Variants in CASS4 observed in about 807,000 individuals in gnomAD.
CASS4 encodes the protein cas scaffolding protein family member 4.
Under a neutral mutation model 54.2 loss-of-function variants are expected in CASS4, and 22 were observed. The observed-to-expected ratio is 0.41, with a 90% CI of 0.29 to 0.58. The LOEUF is 0.58. Ranked by LOEUF, CASS4 falls within the 20% of genes least tolerant of loss-of-function variation. The probability of loss-of-function intolerance (pLI) is 0.36; values close to 1 mark genes in which losing one functional copy is unlikely to be tolerated. For missense variants in CASS4, 854 were observed against 986.7 expected (o/e 0.87, Z 1.80); for synonymous variants, 409 against 391.5 (o/e 1.04, Z -0.53).
intron 2 of CASS4, among the ~76,000 whole-genome samples, chr20:56,438,257 T>C (rs1320567871): frequency 6.7e-6 from 1 of 150,246 alleles, no homozygotes; most frequent in Non-Finnish European, 1.5e-5. Context: ...GCCACTGCAC[T>C]CCAGCCTCGG....
intron 1 of CASS4, among the ~76,000 whole-genome samples, chr20:56,436,729 A>T (rs2146280647): frequency 6.6e-6 from 1 of 152,126 alleles, no homozygotes; most frequent in East Asian, 1.9e-4. Flanking sequence ...CTCTACAAAA[A>T]TACAAAATTT....
At chr20:56,448,729 T>G (rs946241026) in intron 3 of CASS4, among the ~76,000 whole-genome samples, 6 of 152,200 alleles carry the variant, frequency 3.9e-5, no homozygotes, top group African/African-American at 1.4e-4. Flanking sequence ...TTGTAACCTG[T>G]TTTTTGTATC....
chr20:56,458,039 TA>T (rs1981383630), intron 5 of CASS4, among the ~76,000 whole-genome samples: 1 of 149,616 alleles, frequency 6.7e-6, no homozygotes, highest in African/African-American at 2.4e-5. Flanking sequence ...AAAAAAAAGT[TA>T]TAAATATAGT....
rs1450259824 is a variant in CASS4, at chr20:56,452,699, C to T, written c.1523C>T (p.Thr508Ile). Residue 508 changes from threonine (T) to isoleucine (I), a missense_variant, in exon 5 of 6, where the codon ACT (threonine) becomes ATT (isoleucine). Transcript: ENST00000679887. ...RGVHGTACNL[T>I]DSNLQNRIRD... is the part of the protein sequence containing the mutation. ...GTCCATGGGACTGCCTGTAACCTCA[C>T]TGACAGTAACCTTCAGAACAGAATT... 1 of 1,614,204 alleles carries T rather than the reference C, an allele frequency of 6.2e-7. No individual in the cohort carries two copies. Among genetic ancestry groups the T allele is most frequent in the South Asian group, 1.1e-5 (1 of 91,084 alleles).
intron 2 of CASS4, among the ~76,000 whole-genome samples, chr20:56,439,200 G>C (rs898332548): frequency 1.3e-4 from 19 of 151,968 alleles, no homozygotes; most frequent in African/African-American, 4.3e-4. Context: ...ACTGGGTCTC[G>C]CTCTGTCTCC....
In CASS4 at chr20:56,452,613, C is replaced by T; in HGVS notation, c.1437C>T (p.Ile479=). The part of the protein sequence containing the change: ...RDYLEANIDA[I]HRSTDHIEES... ...ATCTGGAGGCCAACATTGATGCAAT[C>T]CACAGGTCCACTGATCACATAGAAG... Residue 479 remains isoleucine (I), a synonymous_variant, in exon 5 of 6, where the codon ATC becomes ATT. Coordinates refer to ENST00000679887, the MANE Select transcript of CASS4 (RefSeq NM_020356.4). 1 of 1,614,164 alleles carries T rather than the reference C, an allele frequency of 6.2e-7. No individual in the cohort carries two copies. Among genetic ancestry groups the T allele is most frequent in the Non-Finnish European group, 8.5e-7 (1 of 1,180,030 alleles).
At chr20:56,451,030 A>T (rs1193459855) in intron 4 of CASS4, among the ~76,000 whole-genome samples, 3 of 152,108 alleles carry the variant, frequency 2.0e-5, no homozygotes, top group Non-Finnish European at 2.9e-5. Flanking sequence ...TAAAAAAAAA[A>T]AAAAAGAAAG....
intron 2 of CASS4, among the ~76,000 whole-genome samples, chr20:56,442,563 C>A (rs750778449): frequency 1.3e-5 from 2 of 151,756 alleles, no homozygotes; most frequent in Non-Finnish European, 2.9e-5. Context: ...CCAGAAGCCT[C>A]CAGTGCCTTC....
intron 2 of CASS4, among the ~76,000 whole-genome samples, chr20:56,444,064 T>G (rs759357150): frequency 6.6e-6 from 1 of 152,146 alleles, no homozygotes; most frequent in African/African-American, 2.4e-5. Flanking sequence ...CTGTTCGCAT[T>G]GCGGCTGCTT....
chr20:56,452,633 T>C lies in CASS4; in HGVS notation c.1457T>C (p.Ile486Thr), dbSNP rs1443169669. Residue 486 changes from isoleucine to threonine, a missense_variant, in exon 5 of 6, where the codon ATA becomes ACA. By Grantham distance (89) the Ile-to-Thr change is moderately conservative (BLOSUM62 -1). Coordinates refer to ENST00000679887, the MANE Select transcript of CASS4 (RefSeq NM_020356.4). ...IDAIHRSTDH[I>T]EESVREFLDF... ...GCAATCCACAGGTCCACTGATCACA[T>C]AGAAGAATCTGTAAGAGAATTTCTG... 1.2e-6 allele frequency: 2 copies of C among 1,614,166 alleles called. No individual in the cohort carries two copies. The highest frequency in any genetic ancestry group is 1.1e-5 in the South Asian group (1 of 91,078).
At chr20:56,446,311 G>A (rs576321926) in intron 3 of CASS4, among the ~76,000 whole-genome samples, 200 of 151,956 alleles carry the variant, frequency 1.3e-3, no homozygotes, top group Non-Finnish European at 2.4e-3. Context: ...GGCTGGTCTC[G>A]AACTCCTGGC....
Position 56,452,758 on chromosome 20 carries a change from C to A in CASS4, c.1582C>A (p.Arg528Ser). 6.2e-7 allele frequency: 1 copy of A among 1,614,026 alleles called. No homozygotes were observed. Among genetic ancestry groups the A allele is most frequent in the Non-Finnish European group, 8.5e-7 (1 of 1,180,012 alleles). ...DQMQTISNSY[R>S]ILLETKESLD... Reference sequence around the variant, plus strand: ...GATGCAGACCATCTCCAACTCCTACCGCATCCTGCTTGAAACAAAGGAAAG... The same window carrying A: ...GATGCAGACCATCTCCAACTCCTACAGCATCCTGCTTGAAACAAAGGAAAG... The change falls in exon 5 of 6, where the codon CGC (arginine) becomes AGC (serine). Residue 528 changes from arginine to serine, a missense_variant. Transcript: ENST00000679887.
intron 1 of CASS4, among the ~76,000 whole-genome samples, chr20:56,432,920 C>G (rs1263328876): frequency 1.3e-5 from 2 of 152,094 alleles, no homozygotes; most frequent in Admixed American, 1.3e-4. Flanking sequence ...AATCTTCCCT[C>G]TTACCCTACT....
Position 56,414,686 on chromosome 20 carries a change from C to G in CASS4, c.36+2192C>G, listed in dbSNP as rs1979047236. Among the ~76,000 whole-genome samples the G allele has an allele frequency of 6.6e-6, 1 of 152,148 alleles. No homozygotes were observed. Among genetic ancestry groups the G allele is most frequent in the Non-Finnish European group, 1.5e-5 (1 of 68,030 alleles). ...TACAGATAGGCCGGGAGCGGTGGCTCATGCCTGTAATCCCACCACTTTCAG... is the reference window on the plus strand; with the variant it reads ...TACAGATAGGCCGGGAGCGGTGGCTGATGCCTGTAATCCCACCACTTTCAG... On this transcript the variant is annotated intron_variant, in intron 1 of 5. Transcript: ENST00000679887. The surrounding 1 kb of genome is among the most constrained non-coding windows in gnomAD (Gnocchi z 4.1).
intron 2 of CASS4, among the ~76,000 whole-genome samples, chr20:56,439,129 C>G (rs576739384): frequency 6.6e-6 from 1 of 152,232 alleles, no homozygotes; most frequent in Non-Finnish European, 1.5e-5. Flanking sequence ...ATTTTTATGT[C>G]ATATTGAACA....
chr20:56,450,286 A>G (rs575696891), intron 3 of CASS4, among the ~76,000 whole-genome samples: 39 of 152,234 alleles, frequency 2.6e-4, no homozygotes, highest in African/African-American at 8.9e-4. Context: ...AGCCTCCCCA[A>G]GTGTTGGGAT....
At position 56,452,125 on chromosome 20, in the gene CASS4, C is replaced by A; in HGVS notation, c.949C>A (p.Pro317Thr). ...AATTCCTTCTTATGGCTTTCTTGTA[C>A]CCAGAGGCACATTTCCTTTGGATGA... Reference protein sequence around the residue: ...PEIPSYGFLVPRGTFPLDEDV... With the variant: ...PEIPSYGFLVTRGTFPLDEDV... Residue 317 changes from proline (P) to threonine (T), a missense_variant, in exon 5 of 6, where the codon CCC becomes ACC. Physicochemically the swap from Pro to Thr is conservative, Grantham distance 38 (BLOSUM62 -1). Transcript: ENST00000679887. The A allele has an allele frequency of 6.2e-7, 1 of 1,614,134 alleles. No homozygotes were observed. The highest frequency in any genetic ancestry group is 8.5e-7 in the Non-Finnish European group (1 of 1,180,024).
chr20:56,443,480 A>AT (rs1555805768), intron 2 of CASS4, among the ~76,000 whole-genome samples: 2 of 151,386 alleles, frequency 1.3e-5, no homozygotes, highest in Admixed American at 1.3e-4. Context: ...AAAAAAAAAA[A>AT]GAAGCTTGGA....
At chr20:56,451,030 AAAAAAG>A (rs1489117490) in intron 4 of CASS4, among the ~76,000 whole-genome samples, 2 of 152,108 alleles carry the variant, frequency 1.3e-5, no homozygotes, top group Non-Finnish European at 2.9e-5. Flanking sequence ...TAAAAAAAAA[AAAAAAG>A]AAAGAAAGAA....
Sources: gnomAD v4.1 joint callset for allele counts (sites outside exome capture counted in the v4.1 genomes callset) on GRCh38, gnomAD v4.1.1 for gene constraint, Gnocchi (gnomAD v3.1) non-coding constraint, MANE v1.5 for transcripts, NCBI Gene and HGNC (gene_info 2026-07-23, HGNC 2026-07-21) for gene names.